The following ADAM12 variants were observed in gnomAD, a reference collection of about 807,000 sequenced individuals.
The protein encoded by ADAM12 is ADAM metallopeptidase domain 12, also known as disintegrin and metalloproteinase domain-containing protein 12.
In ADAM12, 70 loss-of-function variants were observed where a neutral mutation model predicts 106.4. The observed-to-expected ratio is 0.66, with a 90% CI of 0.54 to 0.80. The LOEUF (loss-of-function observed/expected upper bound fraction) is 0.80, where lower values mean the gene tolerates loss of function less well. Ranked by LOEUF, ADAM12 falls within the 30% of genes least tolerant of loss-of-function variation. ADAM12 has a pLI of 0.00. For synonymous variants in ADAM12, 420 were observed against 433.5 expected (o/e 0.97, Z 0.39); for missense variants, 1,010 against 1,171.9 (o/e 0.86, Z 2.02).
chr10:126,157,786 G>T (rs1267554250), intron 3 of ADAM12, among the ~76,000 whole-genome samples: 1 of 152,218 alleles, frequency 6.6e-6, no homozygotes, highest in African/African-American at 2.4e-5. Flanking sequence ...CCTCTGAGCT[G>T]CCAGAGGGGC....
At chr10:126,346,920 G>A (rs1209520514) in intron 1 of ADAM12, among the ~76,000 whole-genome samples, 2 of 152,164 alleles carry the variant, frequency 1.3e-5, no homozygotes, top group African/African-American at 2.4e-5. Flanking sequence ...GTGTGTCTCT[G>A]CACATGAGAT....
chr10:126,042,824 A>C (rs973699925), intron 18 of ADAM12, among the ~76,000 whole-genome samples: 2 of 152,234 alleles, frequency 1.3e-5, no homozygotes, highest in African/African-American at 4.8e-5. Flanking sequence ...AAACTCAGCC[A>C]CTCAGTCAAA....
intron 1 of ADAM12, among the ~76,000 whole-genome samples, chr10:126,359,946 C>A (rs1001631388): frequency 1.3e-5 from 2 of 152,250 alleles, no homozygotes; most frequent in Non-Finnish European, 2.9e-5. Flanking sequence ...CCTCTGAAAT[C>A]TAGCTGGAGG....
chr10:126,207,395 T>A (rs988539080), intron 3 of ADAM12, among the ~76,000 whole-genome samples: 1 of 152,248 alleles, frequency 6.6e-6, no homozygotes, highest in Admixed American at 6.5e-5. Flanking sequence ...AGCTAAGTTA[T>A]AGTGCAAATT....
chr10:126,362,475 TATGTCAAAGAG>T (rs1855774379), intron 1 of ADAM12, among the ~76,000 whole-genome samples: 1 of 152,236 alleles, frequency 6.6e-6, no homozygotes, highest in South Asian at 2.1e-4. Flanking sequence ...TTGAAATCAG[TATGTCAAAGAG>T]ATGTCTGAAC....
chr10:126,113,552 C>G (rs559830566), intron 6 of ADAM12, among the ~76,000 whole-genome samples: 5 of 130,736 alleles, frequency 3.8e-5, no homozygotes, highest in East Asian at 2.2e-4. Context: ...CCCAGCTACT[C>G]GGGAGGCTGA....
intron 3 of ADAM12, among the ~76,000 whole-genome samples, chr10:126,271,682 C>T (rs1162332541): frequency 6.6e-6 from 1 of 152,192 alleles, no homozygotes; most frequent in Non-Finnish European, 1.5e-5. Context: ...GGAGGATCAC[C>T]TGAGCCCAGA....
At chr10:126,040,064 A>G (rs879511026) in intron 18 of ADAM12, among the ~76,000 whole-genome samples, 2 of 152,208 alleles carry the variant, frequency 1.3e-5, no homozygotes, top group Non-Finnish European at 2.9e-5. Flanking sequence ...TATTTTCTCT[A>G]TGAAAACATC....
chr10:126,270,059 C>T (rs887881713), intron 3 of ADAM12, among the ~76,000 whole-genome samples: 2 of 152,164 alleles, frequency 1.3e-5, no homozygotes, highest in African/African-American at 2.4e-5. Flanking sequence ...TTAAAAAGAT[C>T]TTAAATGTTA....
At chr10:126,041,151 G>A (rs545816510) in intron 18 of ADAM12, among the ~76,000 whole-genome samples, 33 of 152,120 alleles carry the variant, frequency 2.2e-4, no homozygotes, top group African/African-American at 7.7e-4. Flanking sequence ...CCCTGCAGTC[G>A]TACCCCTCAC....
intron 5 of ADAM12, among the ~76,000 whole-genome samples, chr10:126,120,203 T>C (rs1956059972): frequency 6.6e-6 from 1 of 152,210 alleles, no homozygotes; most frequent in African/African-American, 2.4e-5. Flanking sequence ...TGTCCTCCTT[T>C]GCCCTCTGAA....
At chr10:126,165,736 G>A (rs537260376) in intron 3 of ADAM12, among the ~76,000 whole-genome samples, 9 of 152,214 alleles carry the variant, frequency 5.9e-5, no homozygotes, top group South Asian at 2.1e-4. Context: ...ACCAAATTCC[G>A]TATTTTTCTG....
intron 3 of ADAM12, among the ~76,000 whole-genome samples, chr10:126,190,670 A>G (rs1026744778): frequency 2.6e-5 from 4 of 152,148 alleles, no homozygotes; most frequent in Admixed American, 1.3e-4. Context: ...TTGTCTATGA[A>G]AGCGACAAAC....
intron 1 of ADAM12, among the ~76,000 whole-genome samples, chr10:126,330,848 CTTTA>C (rs1050506544): frequency 2.6e-4 from 40 of 152,264 alleles, no homozygotes; most frequent in African/African-American, 8.9e-4. Flanking sequence ...TGAATTGATA[CTTTA>C]TTTAGGATCT....
chr10:126,016,991 G>C lies in ADAM12; in HGVS notation c.*288C>G. On this transcript the variant is annotated 3_prime_UTR_variant, in exon 23 of 23. Transcript: ENST00000448723. ...TTTCAAGTTCACTAAAATACTAAAA[G>C]CACAACAAGCCTTCCTGCCATGGAA... 3.3e-6 allele frequency: 1 copy of C among 298,782 alleles called. No individual in the cohort carries two copies. The highest frequency in any genetic ancestry group is 6.2e-6 in the Non-Finnish European group (1 of 162,258). 18.5% of individuals were successfully genotyped at this position (298,782 alleles called of 1,614,324 possible).
At position 126,330,900 on chromosome 10, in the gene ADAM12, A is replaced by C. The variant is rs1854488587; in HGVS notation, c.89-391T>G. Among the ~76,000 whole-genome samples, 2 of 152,220 alleles carry C rather than the reference A, an allele frequency of 1.3e-5. 1 individual carries two copies. Among genetic ancestry groups the C allele is most frequent in the South Asian group, 4.1e-4 (2 of 4,838 alleles). On this transcript the variant is annotated intron_variant, in intron 1 of 22. Coordinates refer to ENST00000448723, the MANE Select transcript of ADAM12 (RefSeq NM_001288973.2). ...AAGTCACATGGCTTTAGCTGTATTA[A>C]GACTAAATCCATTTATTTAAGTCCC...
intron 2 of ADAM12, among the ~76,000 whole-genome samples, chr10:126,308,617 T>A (rs1960948246): frequency 6.6e-6 from 1 of 152,248 alleles, no homozygotes; most frequent in Non-Finnish European, 1.5e-5. Context: ...TTAACTCAAA[T>A]CTTAAGTGAT....
chr10:126,361,059 C>A (rs1347745766), intron 1 of ADAM12, among the ~76,000 whole-genome samples: 1 of 152,126 alleles, frequency 6.6e-6, no homozygotes, highest in Non-Finnish European at 1.5e-5. Flanking sequence ...TTCACTATCA[C>A]CAGAACAGCA....
chr10:126,348,308 T>C lies in ADAM12; in HGVS notation c.89-17799A>G, dbSNP rs571996395. ...AATCGGAGTTGGGCTAGAAACCTGA[T>C]TCAGTTGAGGCGGTCCAGGATGTCT... On this transcript the variant is annotated intron_variant, in intron 1 of 22. Transcript: ENST00000448723. Among the ~76,000 whole-genome samples, 4 of 152,184 alleles carry C rather than the reference T, an allele frequency of 2.6e-5. No homozygotes were observed. The South Asian group carries it at 8.3e-4, about 32-fold the overall frequency.
Sources: gnomAD v4.1 joint callset for allele counts (sites outside exome capture counted in the v4.1 genomes callset) on GRCh38, gnomAD v4.1.1 for gene constraint, MANE v1.5 for transcripts, NCBI Gene and HGNC (gene_info 2026-07-23, HGNC 2026-07-21) for gene names.